Variants in TRERF1 observed in about 807,000 individuals in gnomAD.
TRERF1 encodes the protein transcriptional regulating factor 1.
A neutral mutation model predicts 122.9 loss-of-function variants in TRERF1; 27 were observed. The ratio of observed to expected loss-of-function variants is 0.22; its 90% CI spans 0.16 to 0.30. TRERF1 has a LOEUF of 0.30. TRERF1 is among the 10% of genes least tolerant of loss of function. TRERF1 has a pLI of 1.00. For synonymous variants in TRERF1, 636 were observed against 641.7 expected, an observed-to-expected ratio of 0.99 and a Z score of 0.13; for missense variants, 1,248 against 1,560.3, an observed-to-expected ratio of 0.80 and a Z score of 3.37.
chr6:42,316,400 A>G (rs886417963), intron 3 of TRERF1, among the ~76,000 whole-genome samples: 1 of 152,220 alleles, frequency 6.6e-6, no homozygotes, highest in Non-Finnish European at 1.5e-5. Context: ...GGGAGGACAG[A>G]TGAAGGGGAC....
At chr6:42,408,329 A>G (rs1409091266) in intron 2 of TRERF1, among the ~76,000 whole-genome samples, 6 of 139,884 alleles carry the variant, frequency 4.3e-5, no homozygotes, top group African/African-American at 5.3e-5. Flanking sequence ...GTGTATATAT[A>G]TATATACATA....
chr6:42,290,134 G>A (rs539424070), intron 4 of TRERF1, among the ~76,000 whole-genome samples: 2 of 152,322 alleles, frequency 1.3e-5, no homozygotes, highest in South Asian at 4.1e-4. Flanking sequence ...GCACGCCGGT[G>A]AACATGGGCC....
chr6:42,428,291 A>G (rs1030239517), intron 2 of TRERF1, among the ~76,000 whole-genome samples: 9 of 152,380 alleles, frequency 5.9e-5, no homozygotes, highest in African/African-American at 1.9e-4. Context: ...CTGCATTATA[A>G]TGTAACTGAA....
chr6:42,252,051 G>A (rs1775918753), intron 13 of TRERF1, among the ~76,000 whole-genome samples: 1 of 152,230 alleles, frequency 6.6e-6, no homozygotes, highest in Admixed American at 6.5e-5. Context: ...ACCACACATG[G>A]GTGGGAAGGT....
chr6:42,395,918 C>T (rs1049535228), intron 2 of TRERF1, among the ~76,000 whole-genome samples: 1 of 152,126 alleles, frequency 6.6e-6, no homozygotes, highest in Non-Finnish European at 1.5e-5. Context: ...CTCACTGAGA[C>T]CTGTGGATTG....
intron 4 of TRERF1, among the ~76,000 whole-genome samples, chr6:42,271,570 T>C (rs546461587): frequency 1.6e-4 from 25 of 152,214 alleles, no homozygotes; most frequent in Admixed American, 1.6e-3. Context: ...GTATGTCAAT[T>C]AAAAAAAGTT....
At chr6:42,238,892 T>C (rs569140497) in intron 15 of TRERF1, among the ~76,000 whole-genome samples, 1 of 150,874 alleles carries the variant, frequency 6.6e-6, no homozygotes, top group Non-Finnish European at 1.5e-5. Flanking sequence ...CTCATAACAC[T>C]GTAAAATTTT....
intron 16 of TRERF1, among the ~76,000 whole-genome samples, chr6:42,234,826 G>A (rs1375205569): frequency 6.6e-6 from 1 of 152,140 alleles, no homozygotes; most frequent in Non-Finnish European, 1.5e-5. Context: ...CTAACTTGCT[G>A]AGCATTTGAT....
chr6:42,301,142 G>T (rs749638577), intron 3 of TRERF1, among the ~76,000 whole-genome samples: 35 of 89,886 alleles, frequency 3.9e-4, no homozygotes, highest in Middle Eastern at 4.6e-3. Context: ...CTTTCCTCAT[G>T]GGGGAGCTAC....
chr6:42,272,364 G>T (rs150478536), intron 4 of TRERF1, among the ~76,000 whole-genome samples: 2,082 of 152,202 alleles, frequency 0.014, 48 homozygotes, highest in African/African-American at 0.046. Context: ...GGGTGGAAGG[G>T]GAGGGTGGCC....
chr6:42,439,153 C>T (rs1315326092), intron 2 of TRERF1, among the ~76,000 whole-genome samples: 2 of 152,192 alleles, frequency 1.3e-5, no homozygotes, highest in Non-Finnish European at 2.9e-5. Flanking sequence ...GTTTCCAACA[C>T]TTTCCTAAGT....
chr6:42,382,939 T>C (rs1261488299), intron 2 of TRERF1, among the ~76,000 whole-genome samples: 1 of 142,620 alleles, frequency 7.0e-6, no homozygotes, highest in Non-Finnish European at 1.5e-5. Context: ...GGGGGTGGGG[T>C]GGGTGTGGGG....
At chr6:42,306,701 G>A (rs1255892433) in intron 3 of TRERF1, among the ~76,000 whole-genome samples, 1 of 152,214 alleles carries the variant, frequency 6.6e-6, no homozygotes, top group Non-Finnish European at 1.5e-5. Flanking sequence ...CCTTTTCCCA[G>A]CTCTCCTCTC....
At chr6:42,265,902 C>CT (rs1479822302) in intron 5 of TRERF1, 105 bp from the exon 6 acceptor site, 1 of 1,207,886 alleles carries the variant, frequency 8.3e-7, no homozygotes, top group East Asian at 2.5e-5. Flanking sequence ...TTCCAGGACT[C>CT]TTTCTGCTGT....
At chr6:42,332,442 G>A (rs904704393) in intron 3 of TRERF1, among the ~76,000 whole-genome samples, 20 of 152,206 alleles carry the variant, frequency 1.3e-4, no homozygotes, top group Non-Finnish European at 2.9e-4. Flanking sequence ...CTCTCTCGGA[G>A]GTGAAGCTGG....
At chr6:42,378,174 G>A (rs1004754885) in intron 2 of TRERF1, among the ~76,000 whole-genome samples, 5 of 152,078 alleles carry the variant, frequency 3.3e-5, no homozygotes, top group Non-Finnish European at 5.9e-5. Flanking sequence ...AAGCGGATGA[G>A]GGGTACCAGC....
At chr6:42,422,504 C>CAAAAAAA (rs70987594) in intron 2 of TRERF1, among the ~76,000 whole-genome samples, 2 of 120,688 alleles carry the variant, frequency 1.7e-5, no homozygotes, top group African/African-American at 3.5e-5. Context: ...ACCCTGTCTC[C>CAAAAAAA]AAAAAAAAAA....
At chr6:42,384,162 T>C (rs1297376790) in intron 2 of TRERF1, among the ~76,000 whole-genome samples, 1 of 152,046 alleles carries the variant, frequency 6.6e-6, no homozygotes, top group African/African-American at 2.4e-5. Flanking sequence ...TGCAAAAACA[T>C]ACACAAGGAT....
chr6:42,436,303 A>G (rs1257257448), intron 2 of TRERF1, among the ~76,000 whole-genome samples: 1 of 151,988 alleles, frequency 6.6e-6, no homozygotes, highest in Non-Finnish European at 1.5e-5. Flanking sequence ...CAGGAGGCGG[A>G]GTTTGTAGTG....
Sources: gnomAD v4.1 joint callset for allele counts (sites outside exome capture counted in the v4.1 genomes callset) on GRCh38, gnomAD v4.1.1 for gene constraint, MANE v1.5 for transcripts, NCBI Gene and HGNC (gene_info 2026-07-23, HGNC 2026-07-21) for gene names.